DNAH3: variants seen among roughly 807,000 people sequenced by gnomAD.
DNAH3 encodes axonemal beta dynein heavy chain 3.
In DNAH3, 332 loss-of-function variants were observed where a neutral mutation model predicts 432.5. That is an observed-to-expected ratio of 0.77 (90% CI 0.70 to 0.84). The LOEUF (loss-of-function observed/expected upper bound fraction) is 0.84. DNAH3 is among the 40% of genes least tolerant of loss of function. The pLI is 0.00. For missense variants in DNAH3, 4,861 were observed against 5,114.0 expected, an observed-to-expected ratio of 0.95 and a Z score of 1.51; for synonymous variants, 1,956 against 1,900.2, an observed-to-expected ratio of 1.03 and a Z score of -0.76.
intron 14 of DNAH3, 109 bp from the exon 15 acceptor site, chr16:21,106,783 A>C: frequency 9.8e-7 from 1 of 1,021,760 alleles, no homozygotes; most frequent in East Asian, 2.7e-5. Flanking sequence ...TCCTATTTGA[A>C]AAAAAAAGAA....
chr16:21,069,134 G>A (rs2090684488), intron 23 of DNAH3, among the ~76,000 whole-genome samples: 5 of 151,860 alleles, frequency 3.3e-5, no homozygotes, highest in South Asian at 4.2e-4. Context: ...GTAGAGATGC[G>A]GTGTTTCACC....
chr16:21,055,750 T>TA (rs201530536), intron 27 of DNAH3, among the ~76,000 whole-genome samples: 4,233 of 150,818 alleles, frequency 0.028, 219 homozygotes, highest in African/African-American at 0.097. Context: ...TGCAGATTTT[T>TA]TTTTTTTTTT....
intron 43 of DNAH3, among the ~76,000 whole-genome samples, chr16:20,998,487 A>G (rs1199028671): frequency 6.6e-6 from 1 of 152,110 alleles, no homozygotes; most frequent in East Asian, 1.9e-4. Flanking sequence ...TCCTGACCTC[A>G]GGTGATCCAC....
intron 50 of DNAH3, among the ~76,000 whole-genome samples, chr16:20,978,075 C>T (rs963357028): frequency 6.6e-6 from 1 of 152,166 alleles, no homozygotes; most frequent in Non-Finnish European, 1.5e-5. Flanking sequence ...CCTAGTACAG[C>T]TTTCATTTTA....
intron 32 of DNAH3, 44 bp downstream of exon 32, chr16:21,041,983 T>C (rs1229997869): frequency 4.3e-6 from 7 of 1,610,934 alleles, no homozygotes; most frequent in South Asian, 1.1e-5. Flanking sequence ...CAGAGGTTTC[T>C]ATTCTAAAAA....
intron 49 of DNAH3, among the ~76,000 whole-genome samples, chr16:20,980,457 T>C (rs977160668): frequency 1.0e-4 from 15 of 150,666 alleles, no homozygotes; most frequent in East Asian, 7.8e-4. Context: ...ACTGTAGCCT[T>C]AACCTCCCTG....
At chr16:20,964,430 C>T (rs746275073) in exon 53 of DNAH3, 2 of 1,614,220 alleles carry the variant, frequency 1.2e-6, no homozygotes, top group East Asian at 2.2e-5. Context: ...ATGTACTCAA[C>T]TCCTTGCTGT....
intron 59 of DNAH3, among the ~76,000 whole-genome samples, chr16:20,938,331 G>C (rs2083671008): frequency 6.6e-6 from 1 of 151,794 alleles, no homozygotes; most frequent in Admixed American, 6.6e-5. Flanking sequence ...GTTGCAGTGA[G>C]CCGAGCTAAG....
At chr16:21,123,770 T>C (rs1427285361) in intron 9 of DNAH3, among the ~76,000 whole-genome samples, 2 of 152,124 alleles carry the variant, frequency 1.3e-5, no homozygotes, top group Non-Finnish European at 2.9e-5. Flanking sequence ...CTTTGAAAAC[T>C]AGGACTTAGT....
At chr16:20,955,176 C>G in intron 54 of DNAH3, 119 bp from the exon 55 acceptor site, 1 of 950,782 alleles carries the variant, frequency 1.1e-6, no homozygotes, top group South Asian at 2.5e-5. Flanking sequence ...ATGGTAAAAC[C>G]CCATCTCTAT....
chr16:21,125,054 A>C (rs2092419511), intron 9 of DNAH3, 121 bp downstream of exon 10: 2 of 722,576 alleles, frequency 2.8e-6, no homozygotes, highest in African/African-American at 3.6e-5. Context: ...TGTGGGTGGA[A>C]GTCAAGCATT....
exon 48 of DNAH3, chr16:20,985,108 G>A: frequency 6.2e-7 from 1 of 1,614,084 alleles, no homozygotes; most frequent in Non-Finnish European, 8.5e-7. Flanking sequence ...CATAGAAAGA[G>A]GAGTGACTTC....
In DNAH3 at chr16:21,087,034, G is replaced by A. The variant is rs2152780041; in HGVS notation, c.2692C>T (p.Gln898Ter). Reference sequence around the variant, plus strand: ...ATATTCCCTATCTCCTCCGCAATTTGCTCAGCATTCAGTAAGAAGAGGGGT... The same window carrying A: ...ATATTCCCTATCTCCTCCGCAATTTACTCAGCATTCAGTAAGAAGAGGGGT... Residue 898 changes from glutamine (Q) to a stop codon, truncating the protein, a stop_gained, in exon 19 of 62, where the codon CAA becomes TAA. Transcript: ENST00000261383. LOFTEE classifies it high-confidence loss of function. The A allele has an allele frequency of 6.2e-7, 1 of 1,614,018 alleles. No homozygotes were observed. Among genetic ancestry groups the A allele is most frequent in the Non-Finnish European group, 8.5e-7 (1 of 1,179,964 alleles).
intron 16 of DNAH3, chr16:21,103,985 A>G (rs942796281): frequency 1.9e-5 from 3 of 161,710 alleles, no homozygotes; most frequent in African/African-American, 7.2e-5. Flanking sequence ...GAAAATCCGC[A>G]ATAAATACCA....
intron 31 of DNAH3, 48 bp downstream of exon 31, chr16:21,049,521 C>G (rs1227428445): frequency 6.6e-7 from 1 of 1,507,426 alleles, no homozygotes; most frequent in Admixed American, 1.7e-5. Context: ...AAGAAAAAAG[C>G]CCCTCCATGC....
chr16:21,159,451 A>G (rs771017265), upstream of DNAH3: 9 of 1,612,626 alleles, frequency 5.6e-6, no homozygotes, highest in Middle Eastern at 3.3e-4. Context: ...TCCCCCAACC[A>G]GAGATGTGAC....
At chr16:21,038,277 G>A (rs2089269781) in intron 33 of DNAH3, among the ~76,000 whole-genome samples, 3 of 152,336 alleles carry the variant, frequency 2.0e-5, no homozygotes, top group East Asian at 3.9e-4. Context: ...GAGGCAGGAG[G>A]ATCGCTTGAG....
intron 19 of DNAH3, among the ~76,000 whole-genome samples, chr16:21,081,992 C>T (rs2091205388): frequency 6.6e-6 from 1 of 152,160 alleles, no homozygotes; most frequent in Non-Finnish European, 1.5e-5. Flanking sequence ...TTTGACCTCC[C>T]AGGCCCAAGC....
At chr16:21,001,707 CAG>C (rs1173723032) in intron 42 of DNAH3, among the ~76,000 whole-genome samples, 1 of 152,164 alleles carries the variant, frequency 6.6e-6, no homozygotes, top group Non-Finnish European at 1.5e-5. Context: ...TGTAATAACA[CAG>C]ATGAAATAAA....
Sources: allele counts gnomAD v4.1 joint callset (sites outside exome capture counted in the v4.1 genomes callset), GRCh38; gene constraint gnomAD v4.1.1; transcripts MANE v1.5; gene names NCBI Gene and HGNC (gene_info 2026-07-23, HGNC 2026-07-21).